SLMAP: variants seen among roughly 807,000 people sequenced by gnomAD.
SLMAP encodes the protein sarcolemmal membrane-associated protein.
SLMAP carries 44 observed loss-of-function variants against 128.8 expected under a neutral mutation model. The ratio of observed to expected loss-of-function variants is 0.34; its 90% confidence interval spans 0.27 to 0.44. The LOEUF (loss-of-function observed/expected upper bound fraction) is 0.44. Ranked by LOEUF, SLMAP falls within the 20% of genes least tolerant of loss-of-function variation. SLMAP has a pLI of 1.00. For synonymous variants in SLMAP, 327 were observed against 348.8 expected, an observed-to-expected ratio of 0.94 and a Z score of 0.70; for missense variants, 787 against 985.3, an observed-to-expected ratio of 0.80 and a Z score of 2.69.
chr3:57,873,089 A>G (rs2095521254), intron 14 of SLMAP, among the ~76,000 whole-genome samples: 1 of 152,254 alleles, frequency 6.6e-6, no homozygotes, highest in South Asian at 2.1e-4. Context: ...TGAGAATTTC[A>G]TTTAATAGTT....
chr3:57,888,545 A>G (rs994512863), intron 14 of SLMAP, among the ~76,000 whole-genome samples: 2 of 151,696 alleles, frequency 1.3e-5, no homozygotes, highest in African/African-American at 2.4e-5. Flanking sequence ...TGAACCCGGG[A>G]GGCAGAGGTT....
chr3:57,831,878 A>T (rs2093358449), intron 3 of SLMAP, among the ~76,000 whole-genome samples: 1 of 152,106 alleles, frequency 6.6e-6, no homozygotes, highest in African/African-American at 2.4e-5. Flanking sequence ...AGTTGACTCA[A>T]TGAGATCATC....
intron 3 of SLMAP, among the ~76,000 whole-genome samples, chr3:57,834,439 A>G (rs1454826694): frequency 6.6e-6 from 1 of 152,174 alleles, no homozygotes; most frequent in African/African-American, 2.4e-5. Context: ...AGGATATACT[A>G]CAAGAATAAT....
At chr3:57,786,221 A>G (rs2153466693) in intron 2 of SLMAP, among the ~76,000 whole-genome samples, 1 of 152,258 alleles carries the variant, frequency 6.6e-6, no homozygotes, top group East Asian at 1.9e-4. Context: ...CTCATGTTAC[A>G]TGTTTAGGTA....
intron 14 of SLMAP, among the ~76,000 whole-genome samples, chr3:57,874,791 A>G (rs961959033): frequency 1.3e-5 from 2 of 151,762 alleles, no homozygotes; most frequent in Admixed American, 1.3e-4. Context: ...CCTGGGAGAT[A>G]GAGGTTGCAG....
chr3:57,908,470 A>G (rs2096619092), intron 18 of SLMAP, among the ~76,000 whole-genome samples: 1 of 152,164 alleles, frequency 6.6e-6, no homozygotes, highest in Non-Finnish European at 1.5e-5. Flanking sequence ...TATCTCAAAG[A>G]GTCTTAAAAT....
intron 18 of SLMAP, among the ~76,000 whole-genome samples, chr3:57,908,641 C>G (rs905215054): frequency 6.6e-6 from 1 of 152,132 alleles, no homozygotes; most frequent in Non-Finnish European, 1.5e-5. Context: ...TTAACTTGAA[C>G]CTTTTGGAGG....
At chr3:57,908,232 G>T (rs2096614292) in intron 18 of SLMAP, among the ~76,000 whole-genome samples, 1 of 152,192 alleles carries the variant, frequency 6.6e-6, no homozygotes, top group Non-Finnish European at 1.5e-5. Flanking sequence ...AATCAAGTAA[G>T]ATCTTTACTA....
intron 22 of SLMAP, among the ~76,000 whole-genome samples, chr3:57,921,666 A>T (rs1159977361): frequency 6.6e-6 from 1 of 152,138 alleles, no homozygotes; most frequent in Non-Finnish European, 1.5e-5. Flanking sequence ...TTTCTACCGA[A>T]AACAGAATTT....
At chr3:57,814,548 C>G (rs547332959) in intron 2 of SLMAP, among the ~76,000 whole-genome samples, 1 of 152,214 alleles carries the variant, frequency 6.6e-6, no homozygotes, top group East Asian at 1.9e-4. Context: ...CTGCTAAATA[C>G]TATTTAGCTT....
chr3:57,850,196 A>G (rs1350457415), intron 6 of SLMAP, among the ~76,000 whole-genome samples: 1 of 152,116 alleles, frequency 6.6e-6, no homozygotes, highest in Non-Finnish European at 1.5e-5. Flanking sequence ...GGGCAGAATT[A>G]AACAACTTAT....
chr3:57,764,550 C>T (rs944735244), intron 2 of SLMAP, among the ~76,000 whole-genome samples: 4 of 150,914 alleles, frequency 2.7e-5, no homozygotes, highest in African/African-American at 7.3e-5. Context: ...AATAGTGATA[C>T]AATAGCAGTA....
intron 14 of SLMAP, among the ~76,000 whole-genome samples, chr3:57,876,990 A>G (rs765210110): frequency 1.3e-5 from 2 of 152,052 alleles, no homozygotes; most frequent in Non-Finnish European, 2.9e-5. Context: ...ATCTCTCTCA[A>G]TGGTAGAGTT....
chr3:57,921,312 A>G (rs1031754034), intron 22 of SLMAP, among the ~76,000 whole-genome samples: 1 of 152,126 alleles, frequency 6.6e-6, no homozygotes, highest in Non-Finnish European at 1.5e-5. Context: ...GAAAATGACA[A>G]GTTTTGCTAT....
chr3:57,831,726 T>C (rs943308472), intron 3 of SLMAP, among the ~76,000 whole-genome samples, 196 bp downstream of exon 3: 1 of 152,186 alleles, frequency 6.6e-6, no homozygotes, highest in African/African-American at 2.4e-5. Context: ...TGTTATTTAG[T>C]AGTTTATATT....
At chr3:57,909,823 G>A (rs148464067) in intron 19 of SLMAP, among the ~76,000 whole-genome samples, 88 of 151,964 alleles carry the variant, frequency 5.8e-4, no homozygotes, top group African/African-American at 2.1e-3. Flanking sequence ...TGTTGGTCAG[G>A]CTGATCTCAA....
chr3:57,906,300 C>CTTTTTTTTCTTTTTTTTTTTTTT (rs2096541411), intron 17 of SLMAP, among the ~76,000 whole-genome samples: 1 of 71,290 alleles, frequency 1.4e-5, no homozygotes, highest in African/African-American at 4.8e-5. Context: ...AAATTTTTTT[C>CTTTTTTTTCTTTTTTTTTTTTTT]TTTTTTTTTC....
At position 57,929,024 on chromosome 3, in the gene SLMAP, G is replaced by C. The variant is rs1372067219; in HGVS notation, c.*1735G>C. The C allele has an allele frequency of 6.6e-6, 1 of 152,518 alleles. No individual in the cohort carries two copies. Among genetic ancestry groups the C allele is most frequent in the South Asian group, 2.1e-4 (1 of 4,828 alleles). 9.4% of individuals were successfully genotyped at this position (152,518 alleles called of 1,614,324 possible). A position where few individuals can be genotyped will look rare whatever the true frequency, so the allele number is the denominator to read the frequency against. On this transcript the variant is annotated 3_prime_UTR_variant, in exon 25 of 25. Coordinates refer to ENST00000671191, the MANE Select transcript of SLMAP (RefSeq NM_001377540.1). ...TATTGTTCTGAAATGCTTAACTTCA[G>C]AATTACATTTTTTAAAGTAAATAAT...
Position 57,839,448 on chromosome 3 carries a change from T to TC in SLMAP, c.347-1851_347-1850insC, listed in dbSNP as rs1372551753. 6.3e-5 allele frequency among the ~76,000 whole-genome samples: 9 copies of TC among 142,282 alleles called. No homozygotes were observed. In the East Asian group the frequency reaches 1.2e-3, roughly 19 times the overall value. The allele number at this position is 142,282 out of a possible 152,430, so 93.3% of individuals were successfully genotyped here. On this transcript the variant is annotated intron_variant, in intron 3 of 24. Coordinates refer to ENST00000671191, the MANE Select transcript of SLMAP (RefSeq NM_001377540.1). ...GCATTAGCTCTATTTTTTTTTTTTT[T>TC]TTTTTTTTTTGAGATGGAGTCTCGC...
Sources: gnomAD v4.1 joint callset for allele counts (sites outside exome capture counted in the v4.1 genomes callset) on GRCh38, gnomAD v4.1.1 for gene constraint, MANE v1.5 for transcripts, NCBI Gene and HGNC (gene_info 2026-07-23, HGNC 2026-07-21) for gene names.